PARD3: variants seen among roughly 807,000 people sequenced by gnomAD.
PARD3 encodes the protein par-3 family cell polarity regulator, also known as partitioning defective 3 homolog.
In PARD3, 75 loss-of-function variants were observed where a neutral mutation model predicts 155.4. The ratio of observed to expected loss-of-function variants is 0.48; its 90% CI spans 0.40 to 0.58. The LOEUF is 0.58. Ranked by LOEUF, PARD3 falls within the 20% of genes least tolerant of loss-of-function variation. The pLI is 0.00. For synonymous variants in PARD3, 576 were observed against 610.5 expected, an observed-to-expected ratio of 0.94 and a Z score of 0.83; for missense variants, 1,642 against 1,721.7, an observed-to-expected ratio of 0.95 and a Z score of 0.82.
At chr10:34,687,336 G>A (rs374125377) in intron 2 of PARD3, among the ~76,000 whole-genome samples, 97 of 152,204 alleles carry the variant, frequency 6.4e-4, no homozygotes, top group African/African-American at 2.2e-3. Context: ...TCAGCACGTG[G>A]AGTTGTTGCC....
At chr10:34,748,213 T>C (rs1426703987) in intron 1 of PARD3, among the ~76,000 whole-genome samples, 29 of 152,158 alleles carry the variant, frequency 1.9e-4, no homozygotes, top group Non-Finnish European at 2.9e-5. Context: ...CTCACGCCTG[T>C]AATCCCAGCA....
At chr10:34,788,608 C>A (rs181479953) in intron 1 of PARD3, among the ~76,000 whole-genome samples, 1 of 152,270 alleles carries the variant, frequency 6.6e-6, no homozygotes, top group Non-Finnish European at 1.5e-5. Context: ...CACCACCATG[C>A]CCAGCTAATT....
At chr10:34,670,215 A>G (rs2093584588) in intron 2 of PARD3, among the ~76,000 whole-genome samples, 2 of 152,250 alleles carry the variant, frequency 1.3e-5, no homozygotes, top group Non-Finnish European at 2.9e-5. Context: ...ACCTCTGTGC[A>G]GCTGCAGGTG....
intron 19 of PARD3, among the ~76,000 whole-genome samples, chr10:34,319,449 A>AT (rs144429303): frequency 0.02 from 3,048 of 152,274 alleles, 89 homozygotes; most frequent in African/African-American, 0.07. Flanking sequence ...ATTGTAAGCC[A>AT]TTGTCTTCCT....
intron 1 of PARD3, among the ~76,000 whole-genome samples, 179 bp downstream of exon 1, chr10:34,814,697 C>A (rs1844678772): frequency 6.6e-6 from 1 of 151,866 alleles, no homozygotes; most frequent in African/African-American, 2.4e-5. Context: ...CGCCCCGGCC[C>A]GCGCAGAGAA....
intron 3 of PARD3, among the ~76,000 whole-genome samples, chr10:34,507,820 T>C (rs889278290): frequency 2.6e-5 from 4 of 152,210 alleles, no homozygotes; most frequent in African/African-American, 4.8e-5. Context: ...ATGGGTTTTA[T>C]ATGCTGAATA....
intron 2 of PARD3, among the ~76,000 whole-genome samples, chr10:34,549,529 A>T (rs775178911): frequency 1.3e-5 from 2 of 152,064 alleles, no homozygotes; most frequent in Non-Finnish European, 2.9e-5. Flanking sequence ...TTCCATTGAG[A>T]TTCTGCACTT....
chr10:34,599,222 G>A lies in PARD3; in HGVS notation c.223-82063C>T, dbSNP rs116362233. ...GTAAGTATGGCTTGGAATTTTCATC[G>A]CTGTCACCTAATCCCTTCATAAACT... On this transcript the variant is annotated intron_variant, in intron 2 of 24. Coordinates refer to ENST00000374788, the MANE Select transcript of PARD3 (RefSeq NM_001184785.2). 1.4e-3 allele frequency among the ~76,000 whole-genome samples: 209 copies of A among 152,136 alleles called. 1 individual carries two copies. The highest frequency in any genetic ancestry group is 4.6e-3 in the African/African-American group (190 of 41,492).
chr10:34,439,562 A>G (rs1174617421), intron 5 of PARD3, among the ~76,000 whole-genome samples: 2 of 152,012 alleles, frequency 1.3e-5, no homozygotes, highest in Non-Finnish European at 1.5e-5. Context: ...CGTTCAAATG[A>G]TTATCCTGCC....
intron 22 of PARD3, among the ~76,000 whole-genome samples, chr10:34,210,742 ATAGG>A (rs1211931249): frequency 6.6e-6 from 1 of 152,164 alleles, no homozygotes; most frequent in African/African-American, 2.4e-5. Context: ...TTCTCAGGAA[ATAGG>A]GTGTCTGGGA....
chr10:34,255,189 T>C (rs958005485), intron 22 of PARD3, among the ~76,000 whole-genome samples: 2 of 151,982 alleles, frequency 1.3e-5, no homozygotes, highest in Non-Finnish European at 2.9e-5. Context: ...CTTTGTGAAA[T>C]ACAGAGAAAA....
intron 22 of PARD3, among the ~76,000 whole-genome samples, chr10:34,218,615 C>A (rs1952123329): frequency 6.6e-6 from 1 of 152,066 alleles, no homozygotes; most frequent in African/African-American, 2.4e-5. Flanking sequence ...AAGAGAAAAA[C>A]AAATTTTTTT....
At chr10:34,128,502 T>C (rs906105191) in intron 23 of PARD3, among the ~76,000 whole-genome samples, 2 of 152,208 alleles carry the variant, frequency 1.3e-5, no homozygotes, top group African/African-American at 4.8e-5. Flanking sequence ...ACTGGTAAGG[T>C]TTCTGTTCAA....
intron 15 of PARD3, chr10:34,345,791 G>A (rs991928889): frequency 1.0e-6 from 1 of 985,312 alleles, no homozygotes; most frequent in Non-Finnish European, 1.2e-6. Flanking sequence ...GTCTTGAACA[G>A]GATTTCTAAC....
intron 1 of PARD3, among the ~76,000 whole-genome samples, chr10:34,705,710 C>T (rs1741421241): frequency 6.6e-6 from 1 of 152,186 alleles, no homozygotes; most frequent in South Asian, 2.1e-4. Context: ...GTACACTGCT[C>T]GGCCCCCATT....
At chr10:34,583,877 T>TA (rs1420357211) in intron 2 of PARD3, among the ~76,000 whole-genome samples, 3 of 152,160 alleles carry the variant, frequency 2.0e-5, no homozygotes, top group East Asian at 1.9e-4. Flanking sequence ...AATTGAAGAT[T>TA]AAAAAAAATC....
rs1224185541 is a variant in PARD3, at chr10:34,382,610, A to G, written c.1329T>C (p.Phe443=). 1 of 1,614,006 alleles carries G rather than the reference A, an allele frequency of 6.2e-7. No homozygotes were observed. Among genetic ancestry groups the G allele is most frequent in the Admixed American group, 1.7e-5 (1 of 60,000 alleles). Reference sequence around the variant, plus strand: ...TATAACCACTGCTTACAGTCGTACTAAATACATTCTGAGGTGCCGAGGCTG... The same window carrying G: ...TATAACCACTGCTTACAGTCGTACTGAATACATTCTGAGGTGCCGAGGCTG... ...SAPASAPQNV[F]STTVSSGYNT... Residue 443 remains phenylalanine, a synonymous_variant, in exon 9 of 25, where the codon TTT becomes TTC. Coordinates refer to ENST00000374788, the MANE Select transcript of PARD3 (RefSeq NM_001184785.2).
At chr10:34,740,875 T>TA (rs1286097093) in intron 1 of PARD3, among the ~76,000 whole-genome samples, 2 of 152,198 alleles carry the variant, frequency 1.3e-5, no homozygotes, top group African/African-American at 4.8e-5. Flanking sequence ...GAAGCTTGAC[T>TA]AAAGTCTACT....
chr10:34,227,882 A>ATATATATATATATATATATATC, intron 22 of PARD3, among the ~76,000 whole-genome samples: 1 of 132,596 alleles, frequency 7.5e-6, no homozygotes, highest in Non-Finnish European at 1.6e-5. Flanking sequence ...ATATATATAT[A>ATATATATATATATATATATATC]TACTGGGAAT....
Sources: allele counts gnomAD v4.1 joint callset (sites outside exome capture counted in the v4.1 genomes callset), GRCh38; gene constraint gnomAD v4.1.1; transcripts MANE v1.5; gene names NCBI Gene and HGNC (gene_info 2026-07-23, HGNC 2026-07-21).